PLPP4: variants seen among roughly 807,000 people sequenced by gnomAD.
The protein encoded by PLPP4 is diacylglycerol pyrophosphate like 2.
Under a neutral mutation model 32.2 loss-of-function variants are expected in PLPP4, and 20 were observed. The ratio of observed to expected loss-of-function variants is 0.62; its 90% CI spans 0.44 to 0.90. The LOEUF is 0.90. Among genes scored for constraint, PLPP4 ranks in the 40% least tolerant of loss-of-function variants. PLPP4 has a pLI of 0.00. For synonymous variants in PLPP4, 127 were observed against 133.0 expected (o/e 0.95, Z 0.31); for missense variants, 257 against 353.1 (o/e 0.73, Z 2.18).
chr10:120,500,422 A>G (rs1213192882), intron 1 of PLPP4, among the ~76,000 whole-genome samples: 1 of 152,134 alleles, frequency 6.6e-6, no homozygotes, highest in Non-Finnish European at 1.5e-5. Flanking sequence ...CATATCCCTC[A>G]TCCACCTGCT....
chr10:120,491,777 T>A (rs1844734956), intron 1 of PLPP4, among the ~76,000 whole-genome samples: 1 of 152,168 alleles, frequency 6.6e-6, no homozygotes, highest in Admixed American at 6.5e-5. Context: ...TGGCATCATG[T>A]CTGTATATAC....
intron 5 of PLPP4, among the ~76,000 whole-genome samples, chr10:120,558,230 T>A (rs1467649933): frequency 2.0e-5 from 3 of 151,898 alleles, no homozygotes; most frequent in Admixed American, 6.6e-5. Context: ...TGTGCACACA[T>A]ACACATGTAT....
At chr10:120,538,001 T>C (rs1373232280) in intron 5 of PLPP4, among the ~76,000 whole-genome samples, 3 of 5,528 alleles carry the variant, frequency 5.4e-4, no homozygotes, top group Admixed American at 6.1e-3. Context: ...TTTCTCTCTC[T>C]CTCTCTCTCT....
At chr10:120,465,974 C>G (rs1053818291) in intron 1 of PLPP4, among the ~76,000 whole-genome samples, 3 of 151,998 alleles carry the variant, frequency 2.0e-5, no homozygotes, top group Non-Finnish European at 4.4e-5. Context: ...TCATTTTTGG[C>G]TATTAAGTGC....
chr10:120,556,168 T>G (rs1417442039), intron 5 of PLPP4, among the ~76,000 whole-genome samples: 1 of 152,232 alleles, frequency 6.6e-6, no homozygotes, highest in Non-Finnish European at 1.5e-5. Flanking sequence ...ATCAGGATAT[T>G]TTCCTGTTGT....
intron 1 of PLPP4, among the ~76,000 whole-genome samples, chr10:120,461,682 T>C (rs1216074982): frequency 1.3e-5 from 2 of 152,328 alleles, no homozygotes; most frequent in Non-Finnish European, 2.9e-5. Flanking sequence ...CCCCAGTACC[T>C]TACAGTCCAG....
chr10:120,535,940 C>A lies in PLPP4; in HGVS notation c.445+14845C>A, dbSNP rs148069371. The stretch of plus-strand genomic sequence containing the variant: ...GTCTTCCAAATTTGAGTTTAGAGAT[C>A]ATTCAAGACATTTCAAAAATAGAAA... On this transcript the variant is annotated intron_variant, in intron 5 of 6. Transcript: ENST00000398250. 1.7e-4 allele frequency among the ~76,000 whole-genome samples: 26 copies of A among 152,160 alleles called. No homozygotes were observed. The East Asian group carries it at 4.4e-3, about 26-fold the overall frequency.
Position 120,525,416 on chromosome 10 carries a change from C to T in PLPP4, c.445+4321C>T, listed in dbSNP as rs561254184. Among the ~76,000 whole-genome samples the T allele has an allele frequency of 4.6e-5, 7 of 152,252 alleles. No individual in the cohort carries two copies. In the East Asian group the frequency reaches 1.2e-3, roughly 25 times the overall value. On this transcript the variant is annotated intron_variant, in intron 5 of 6. Coordinates refer to ENST00000398250, the MANE Select transcript of PLPP4 (RefSeq NM_001030059.3). ...CTTGTGGAATACATTTTTTAAATGA[C>T]GGAGAAAGCCTAAAAGGTATGCCTG...
At chr10:120,486,335 C>G (rs1844453191) in intron 1 of PLPP4, among the ~76,000 whole-genome samples, 1 of 151,982 alleles carries the variant, frequency 6.6e-6, no homozygotes, top group Non-Finnish European at 1.5e-5. Context: ...CTCGCCCTGC[C>G]TCCGCCTCCA....
chr10:120,519,587 C>G (rs1196261951), intron 4 of PLPP4, among the ~76,000 whole-genome samples: 2 of 152,008 alleles, frequency 1.3e-5, no homozygotes, highest in African/African-American at 4.8e-5. Flanking sequence ...ACTTTGTGTG[C>G]CCTGACCAGT....
intron 1 of PLPP4, among the ~76,000 whole-genome samples, chr10:120,465,288 T>G (rs574911656): frequency 6.6e-6 from 1 of 152,222 alleles, no homozygotes; most frequent in African/African-American, 2.4e-5. Flanking sequence ...GCCCTTGTCG[T>G]CATTCAACCA....
At chr10:120,575,108 C>T in intron 5 of PLPP4, 23 bp from the exon 6 acceptor site, 6 of 1,607,138 alleles carry the variant, frequency 3.7e-6, no homozygotes, top group East Asian at 4.5e-5. Context: ...GCTAGAGTAA[C>T]ACCTGCTGTT....
chr10:120,574,164 A>ACT (rs1564850141), intron 5 of PLPP4, among the ~76,000 whole-genome samples: 24 of 67,654 alleles, frequency 3.5e-4, no homozygotes, highest in South Asian at 1.1e-3. Context: ...ACACACACAC[A>ACT]CACACTCTCT....
At chr10:120,486,984 T>C (rs1435335431) in intron 1 of PLPP4, among the ~76,000 whole-genome samples, 2 of 152,286 alleles carry the variant, frequency 1.3e-5, no homozygotes, top group East Asian at 3.8e-4. Context: ...TCTCCTTCAC[T>C]GTCTCCATTA....
At chr10:120,510,326 T>G (rs1238253921) in intron 2 of PLPP4, among the ~76,000 whole-genome samples, 1 of 152,178 alleles carries the variant, frequency 6.6e-6, no homozygotes, top group Non-Finnish European at 1.5e-5. Context: ...TAATAAGCTC[T>G]GACCACTCCC....
intron 1 of PLPP4, among the ~76,000 whole-genome samples, chr10:120,479,152 GGAGGTAGAGCTTGCAGTGAGCC>G (rs1045479650): frequency 1.3e-5 from 2 of 152,140 alleles, no homozygotes; most frequent in African/African-American, 4.8e-5. Context: ...CGTGAACCCG[GGAGGTAGAGCTTGCAGTGAGCC>G]GAGACTGTGC....
intron 1 of PLPP4, among the ~76,000 whole-genome samples, chr10:120,459,076 G>A (rs376844863): frequency 3.3e-5 from 5 of 152,294 alleles, no homozygotes; most frequent in East Asian, 1.9e-4. Context: ...AAATATTTAT[G>A]AGATGTTTAC....
chr10:120,490,886 G>A (rs1844689749), intron 1 of PLPP4, among the ~76,000 whole-genome samples: 1 of 152,200 alleles, frequency 6.6e-6, no homozygotes, highest in Non-Finnish European at 1.5e-5. Context: ...TCTGTATATT[G>A]TGTTTTAATG....
intron 1 of PLPP4, among the ~76,000 whole-genome samples, chr10:120,468,311 G>A (rs2478430): frequency 0.46 from 29,512 of 64,426 alleles, 12,935 homozygotes; most frequent in South Asian, 0.77. Flanking sequence ...AGCTTTTTAT[G>A]TGCTACAATG....
Sources: gnomAD v4.1 joint callset for allele counts (sites outside exome capture counted in the v4.1 genomes callset) on GRCh38, gnomAD v4.1.1 for gene constraint, MANE v1.5 for transcripts, NCBI Gene and HGNC (gene_info 2026-07-23, HGNC 2026-07-21) for gene names.